The following ARID4A variants were observed in gnomAD, a reference collection of about 807,000 sequenced individuals.
The protein encoded by ARID4A is AT-rich interaction domain 4A, also known as AT-rich interactive domain-containing protein 4A.
A neutral mutation model predicts 148.6 loss-of-function variants in ARID4A; 39 were observed. That is an observed-to-expected ratio of 0.26 (90% CI 0.20 to 0.34). ARID4A has a LOEUF of 0.34. Among genes scored for constraint, ARID4A ranks in the 10% least tolerant of loss-of-function variants. The pLI is 1.00. For missense variants in ARID4A, 1,265 were observed against 1,449.1 expected (o/e 0.87, Z 2.06); for synonymous variants, 475 against 481.2 (o/e 0.99, Z 0.17).
intron 15 of ARID4A, among the ~76,000 whole-genome samples, chr14:58,350,100 TAAAAAAA>T (rs758927898): frequency 1.6e-4 from 13 of 83,812 alleles, no homozygotes; most frequent in African/African-American, 4.3e-4. Flanking sequence ...GACTCTGTCT[TAAAAAAA>T]AAAAAAAAAA....
At chr14:58,320,649 C>T (rs2032821798) in intron 7 of ARID4A, among the ~76,000 whole-genome samples, 1 of 150,534 alleles carries the variant, frequency 6.6e-6, no homozygotes, top group African/African-American at 2.5e-5. Context: ...GCTCTGTCAC[C>T]CAGGCTGGAG....
At chr14:58,359,102 A>C in intron 17 of ARID4A, 30 bp from the exon 18 acceptor site, 1 of 1,494,010 alleles carries the variant, frequency 6.7e-7, no homozygotes, top group South Asian at 1.2e-5. Flanking sequence ...AAGTTTGTAC[A>C]AACTCTTTTT....
At chr14:58,359,272 T>C (rs2035027365) in intron 18 of ARID4A, 56 bp downstream of exon 18, 22 of 1,500,810 alleles carry the variant, frequency 1.5e-5, no homozygotes, top group Non-Finnish European at 1.8e-6. Context: ...CCAAATTGTA[T>C]TGTGTGTTTT....
chr14:58,354,553 C>T (rs181239316), intron 17 of ARID4A, among the ~76,000 whole-genome samples: 37 of 151,930 alleles, frequency 2.4e-4, no homozygotes, highest in Middle Eastern at 3.4e-3. Flanking sequence ...CATGGTGGCA[C>T]GCACCTGTAG....
chr14:58,356,720 T>TTA (rs2034883049), intron 17 of ARID4A, among the ~76,000 whole-genome samples: 1 of 150,498 alleles, frequency 6.6e-6, no homozygotes, highest in African/African-American at 2.4e-5. Flanking sequence ...TTTTTTTTTT[T>TTA]AAGACGGAGT....
In ARID4A at chr14:58,341,162, T is replaced by C. The variant is rs547285351; in HGVS notation, c.907-3533T>C. On this transcript the variant is annotated intron_variant, in intron 11 of 23. Coordinates refer to ENST00000355431, the MANE Select transcript of ARID4A (RefSeq NM_002892.4). Reference sequence around the variant, plus strand: ...AGGACTAATTCAGGCATGCGTTCTCTTCCTTGTGGACTGTTATAATGGCTT... The same window carrying C: ...AGGACTAATTCAGGCATGCGTTCTCCTCCTTGTGGACTGTTATAATGGCTT... 1.7e-4 allele frequency among the ~76,000 whole-genome samples: 26 copies of C among 152,320 alleles called. No individual in the cohort carries two copies. The South Asian group carries it at 2.3e-3, about 13-fold the overall frequency.
chr14:58,358,222 A>G (rs2034974298), intron 17 of ARID4A, among the ~76,000 whole-genome samples: 1 of 152,174 alleles, frequency 6.6e-6, no homozygotes, highest in Non-Finnish European at 1.5e-5. Flanking sequence ...TAATCCCAGC[A>G]CTTTGGGAGA....
At chr14:58,323,441 A>G (rs1293306493) in intron 7 of ARID4A, 44 bp from the exon 8 acceptor site, 2 of 1,580,348 alleles carry the variant, frequency 1.3e-6, no homozygotes, top group Non-Finnish European at 1.7e-6. Flanking sequence ...TGTATCAAAT[A>G]ATTGTTTGTG....
intron 2 of ARID4A, 32 bp from the exon 3 acceptor site, chr14:58,301,548 T>G: frequency 5.3e-6 from 8 of 1,511,560 alleles, no homozygotes; most frequent in South Asian, 1.1e-5. Context: ...GGCATAGTAA[T>G]GACATTCACA....
At chr14:58,339,911 A>C (rs1196552031) in intron 11 of ARID4A, among the ~76,000 whole-genome samples, 1 of 151,962 alleles carries the variant, frequency 6.6e-6, no homozygotes, top group East Asian at 1.9e-4. Context: ...ATACACTTTC[A>C]AGCAACCAGA....
At chr14:58,366,304 A>C in intron 22 of ARID4A, 74 bp downstream of exon 22, 1 of 1,167,248 alleles carries the variant, frequency 8.6e-7, no homozygotes, top group Admixed American at 2.1e-5. Flanking sequence ...AACTTGGATT[A>C]ATGTTAATAA....
rs1192987107 is a variant in ARID4A at position 58,361,055 on chromosome 14, C to T, written c.2080+13C>T. The T allele has an allele frequency of 1.9e-6, 3 of 1,611,938 alleles. No homozygotes were observed. The Admixed American group carries it at 5.0e-5, about 27-fold the overall frequency. On this transcript the variant is annotated intron_variant, in intron 19 of 23. Transcript: ENST00000355431. ...GAAGGAAAATCAGGTACCAGAAGTG[C>T]TCGCAGCAATATACCAGACAGCTCA...
At chr14:58,301,169 G>A (rs1566661425) in intron 2 of ARID4A, among the ~76,000 whole-genome samples, 1 of 152,124 alleles carries the variant, frequency 6.6e-6, no homozygotes, top group Admixed American at 6.5e-5. Flanking sequence ...TGTATTGTTA[G>A]TGTTAATATT....
intron 17 of ARID4A, among the ~76,000 whole-genome samples, chr14:58,358,370 G>C (rs2034985347): frequency 6.6e-6 from 1 of 152,090 alleles, no homozygotes. Context: ...GGGAGGCTGA[G>C]GCATGAGAAT....
intron 12 of ARID4A, among the ~76,000 whole-genome samples, chr14:58,345,601 G>A (rs1051060555): frequency 4.6e-5 from 7 of 151,908 alleles, no homozygotes; most frequent in Non-Finnish European, 1.0e-4. Context: ...CATTCTGTGT[G>A]GCCTTCAGAA....
intron 11 of ARID4A, among the ~76,000 whole-genome samples, chr14:58,332,241 TAAGGAAGCTTAC>T (rs951284874): frequency 1.3e-5 from 2 of 152,066 alleles, no homozygotes; most frequent in Non-Finnish European, 2.9e-5. Context: ...TTTTTAAAGA[TAAGGAAGCTTAC>T]AAGGATAGTA....
intron 16 of ARID4A, chr14:58,351,542 C>A (rs577539457): frequency 1.7e-5 from 8 of 459,902 alleles, no homozygotes; most frequent in Non-Finnish European, 2.9e-5. Context: ...GTGCCCTAAA[C>A]AGTGGCCTCA....
At chr14:58,346,251 A>G (rs2034359544) in intron 12 of ARID4A, among the ~76,000 whole-genome samples, 160 bp from the exon 13 acceptor site, 1 of 150,554 alleles carries the variant, frequency 6.6e-6, no homozygotes, top group African/African-American at 2.4e-5. Flanking sequence ...ATAAAACAAC[A>G]CAAGAGAATT....
intron 13 of ARID4A, 41 bp downstream of exon 13, chr14:58,346,546 T>C: frequency 2.9e-6 from 4 of 1,374,550 alleles, no homozygotes; most frequent in Non-Finnish European, 4.1e-6. Context: ...ATTGATGTGG[T>C]AAAAAGTTAA....
Sources: allele counts gnomAD v4.1 joint callset (sites outside exome capture counted in the v4.1 genomes callset), GRCh38; gene constraint gnomAD v4.1.1; transcripts MANE v1.5; gene names NCBI Gene and HGNC (gene_info 2026-07-23, HGNC 2026-07-21).